Variants in CSNK1G1 observed in about 807,000 individuals in gnomAD.
The protein encoded by CSNK1G1 is casein kinase I isoform gamma-1.
In CSNK1G1, 22 loss-of-function variants were observed where a neutral mutation model predicts 59.6. The observed-to-expected ratio is 0.37, with a 90% confidence interval of 0.26 to 0.53. CSNK1G1 has a LOEUF of 0.53. Ranked by LOEUF, CSNK1G1 falls within the 20% of genes least tolerant of loss-of-function variation. The probability of loss-of-function intolerance (pLI) is 0.89; values close to 1 mark genes in which losing one functional copy is unlikely to be tolerated. For synonymous variants in CSNK1G1, 179 were observed against 177.1 expected (o/e 1.01, Z -0.08); for missense variants, 384 against 519.5 (o/e 0.74, Z 2.54).
intron 11 of CSNK1G1, among the ~76,000 whole-genome samples, chr15:64,175,148 G>A (rs2081727053): frequency 2.0e-5 from 3 of 151,972 alleles, no homozygotes; most frequent in Non-Finnish European, 2.9e-5. Flanking sequence ...ACACATGTTT[G>A]CAAAACAAAT....
chr15:64,199,629 C>T (rs954176349), intron 10 of CSNK1G1, among the ~76,000 whole-genome samples: 2 of 152,060 alleles, frequency 1.3e-5, no homozygotes, highest in Non-Finnish European at 2.9e-5. Context: ...CCGAGGCGGG[C>T]GGATTGCCTG....
chr15:64,251,558 T>C lies in CSNK1G1; in HGVS notation c.246A>G (p.Pro82=), dbSNP rs562476849. 6.2e-6 allele frequency: 10 copies of C among 1,612,882 alleles called. No homozygotes were observed. Among genetic ancestry groups the C allele is most frequent in the African/African-American group, 1.3e-5 (1 of 75,006 alleles). ...IKLEPIKSRA[P]QLHLEYRFYK... ...AAAATCTGTACTCTAAATGAAGCTG[T>C]GGAGCACGTGATTTTATTGGTTCCT... is the stretch of plus-strand genomic sequence containing the variant. The change falls in exon 4 of 12, where the codon CCA becomes CCG. Residue 82 remains proline, a synonymous_variant. Transcript: ENST00000303052.
intron 1 of CSNK1G1, among the ~76,000 whole-genome samples, chr15:64,311,009 A>C (rs1895967114): frequency 6.6e-6 from 1 of 151,752 alleles, no homozygotes; most frequent in African/African-American, 2.4e-5. Flanking sequence ...ATCTCAAAAA[A>C]AAAAAAAAAG....
chr15:64,221,205 A>G (rs1298903296), intron 4 of CSNK1G1, among the ~76,000 whole-genome samples: 4 of 152,204 alleles, frequency 2.6e-5, no homozygotes, highest in African/African-American at 7.2e-5. Flanking sequence ...CTAAAGTACA[A>G]GCTAAAAGTC....
intron 2 of CSNK1G1, among the ~76,000 whole-genome samples, chr15:64,263,079 CA>C (rs1216890234): frequency 0.029 from 1,549 of 53,568 alleles, 20 homozygotes; most frequent in African/African-American, 0.072. Context: ...AACGCCATCT[CA>C]AAAAAAAAAA....
At chr15:64,311,270 T>A (rs912965768) in intron 1 of CSNK1G1, among the ~76,000 whole-genome samples, 1 of 151,696 alleles carries the variant, frequency 6.6e-6, no homozygotes, top group South Asian at 2.1e-4. Context: ...AGTCGCGAAC[T>A]CCTGTCCTCA....
intron 10 of CSNK1G1, among the ~76,000 whole-genome samples, chr15:64,185,889 A>G (rs1415462913): frequency 6.6e-6 from 1 of 151,898 alleles, no homozygotes; most frequent in Non-Finnish European, 1.5e-5. Flanking sequence ...AGAGAGAAAA[A>G]GAAATATGCT....
chr15:64,306,586 T>C (rs1371195419), intron 1 of CSNK1G1, among the ~76,000 whole-genome samples: 3 of 152,192 alleles, frequency 2.0e-5, no homozygotes, highest in South Asian at 2.1e-4. Context: ...CAGTTTCTTA[T>C]GTAACTAAAC....
intron 1 of CSNK1G1, among the ~76,000 whole-genome samples, chr15:64,312,962 T>C (rs1896074328): frequency 6.6e-6 from 1 of 152,158 alleles, no homozygotes; most frequent in Admixed American, 6.5e-5. Context: ...AACAGACACT[T>C]CTCAAAAGAA....
intron 1 of CSNK1G1, among the ~76,000 whole-genome samples, chr15:64,355,709 A>C (rs957576054): frequency 6.6e-6 from 1 of 151,936 alleles, no homozygotes; most frequent in Non-Finnish European, 1.5e-5. Flanking sequence ...TCCAGGTGGC[A>C]AACTCCCGGT....
chr15:64,300,744 CAT>C (rs1173536835), intron 1 of CSNK1G1, 21 bp from the exon 2 acceptor site: 1 of 1,227,482 alleles, frequency 8.1e-7, no homozygotes. Context: ...ATCAAGAAAA[CAT>C]GTAGTTAAAA....
intron 4 of CSNK1G1, among the ~76,000 whole-genome samples, chr15:64,250,520 G>C (rs1170178460): frequency 6.6e-6 from 1 of 152,132 alleles, no homozygotes; most frequent in East Asian, 1.9e-4. Context: ...AAGGCAGGAG[G>C]ATCACTTGAG....
At chr15:64,307,905 C>T (rs963060641) in intron 1 of CSNK1G1, among the ~76,000 whole-genome samples, 8 of 152,106 alleles carry the variant, frequency 5.3e-5, no homozygotes, top group African/African-American at 1.9e-4. Flanking sequence ...CCAGGATGGT[C>T]TCAACCTCCT....
At chr15:64,338,089 C>T (rs893206864) in intron 1 of CSNK1G1, among the ~76,000 whole-genome samples, 1 of 152,152 alleles carries the variant, frequency 6.6e-6, no homozygotes, top group African/African-American at 2.4e-5. Context: ...GTTTCAAACC[C>T]TGTTTTTGAT....
intron 1 of CSNK1G1, among the ~76,000 whole-genome samples, chr15:64,308,347 C>T (rs1204278907): frequency 6.6e-6 from 1 of 152,142 alleles, no homozygotes; most frequent in Non-Finnish European, 1.5e-5. Context: ...GATCCTCCAG[C>T]CTTGGCCTCC....
chr15:64,245,906 T>C (rs1891727613), intron 4 of CSNK1G1, among the ~76,000 whole-genome samples: 1 of 152,192 alleles, frequency 6.6e-6, no homozygotes, highest in African/African-American at 2.4e-5. Flanking sequence ...AAAAAGTTGA[T>C]CTCATATAGA....
intron 2 of CSNK1G1, among the ~76,000 whole-genome samples, chr15:64,276,168 T>C (rs1266882876): frequency 1.3e-5 from 2 of 152,180 alleles, no homozygotes; most frequent in Admixed American, 1.3e-4. Flanking sequence ...GCAGGACTCA[T>C]ACTCCATTTT....
chr15:64,300,371 G>A lies in CSNK1G1; in HGVS notation c.129C>T (p.Asn43=). Residue 43 remains asparagine (N), a synonymous_variant, in exon 2 of 12, where the codon AAC becomes AAT. Transcript: ENST00000303052. ...ATCCTATCTTCTTGCCAACCCTGAA[G>A]TTGGGTCCCACCATAAGAACCCCAG... ...SSSGVLMVGP[N]FRVGKKIGCG... is the part of the protein sequence containing the mutation. The A allele has an allele frequency of 6.2e-7, 1 of 1,614,190 alleles. No individual in the cohort carries two copies. Among genetic ancestry groups the A allele is most frequent in the Non-Finnish European group, 8.5e-7 (1 of 1,180,030 alleles).
intron 2 of CSNK1G1, among the ~76,000 whole-genome samples, chr15:64,278,155 T>G (rs541185914): frequency 9.3e-5 from 14 of 150,712 alleles, no homozygotes; most frequent in African/African-American, 2.9e-4. Context: ...CAAGCAATTC[T>G]CCCACCTCGG....
Sources: allele counts gnomAD v4.1 joint callset (sites outside exome capture counted in the v4.1 genomes callset), GRCh38; gene constraint gnomAD v4.1.1; transcripts MANE v1.5; gene names NCBI Gene and HGNC (gene_info 2026-07-23, HGNC 2026-07-21).